The following CADPS variants were observed in gnomAD, a reference collection of about 807,000 sequenced individuals.
CADPS encodes the protein calcium dependent secretion activator.
A neutral mutation model predicts 167.3 loss-of-function variants in CADPS; 57 were observed. The ratio of observed to expected loss-of-function variants is 0.34; its 90% CI spans 0.28 to 0.42. CADPS has a LOEUF of 0.42. Among genes scored for constraint, CADPS ranks in the 20% least tolerant of loss-of-function variants. The probability of loss-of-function intolerance (pLI) is 1.00; values close to 1 mark genes in which losing one functional copy is unlikely to be tolerated. For synonymous variants in CADPS, 676 were observed against 635.3 expected (o/e 1.06, Z -0.96); for missense variants, 1,414 against 1,738.1 (o/e 0.81, Z 3.32).
chr3:62,855,154 AG>A lies in CADPS; in HGVS notation c.441+19434del, dbSNP rs1346123726. On this transcript the variant is annotated intron_variant, in intron 1 of 29. Transcript: ENST00000383710. The stretch of plus-strand genomic sequence containing the variant: ...GTTTCACCATTTCACCATGTTGCCC[AG>A]GCTGATCTGGAACTCCTGACCTCAG... 1.1e-4 allele frequency among the ~76,000 whole-genome samples: 15 copies of A among 139,904 alleles called. No homozygotes were observed. The East Asian group carries it at 3.1e-3, about 29-fold the overall frequency. The allele number at this position is 139,904 out of a possible 152,430, so 91.8% of individuals were successfully genotyped here.
At chr3:62,737,030 C>T (rs185988126) in intron 3 of CADPS, among the ~76,000 whole-genome samples, 99 of 152,034 alleles carry the variant, frequency 6.5e-4, no homozygotes, top group Non-Finnish European at 1.2e-3. Context: ...CCCAGCTACT[C>T]GGGAGGCTGA....
chr3:62,584,878 C>T (rs1489073551), intron 8 of CADPS, among the ~76,000 whole-genome samples: 3 of 152,118 alleles, frequency 2.0e-5, no homozygotes, highest in Admixed American at 6.5e-5. Flanking sequence ...CGACAAGGTA[C>T]GCGGAGCCTG....
intron 1 of CADPS, among the ~76,000 whole-genome samples, chr3:62,852,892 A>G (rs541125757): frequency 1.3e-5 from 2 of 152,288 alleles, no homozygotes; most frequent in Non-Finnish European, 2.9e-5. Flanking sequence ...ACATAAAATA[A>G]CTCAGATCAG....
In CADPS at chr3:62,472,084, T is replaced by G. The variant is rs150871705; in HGVS notation, c.3477+2089A>C. On this transcript the variant is annotated intron_variant, in intron 24 of 29. Transcript: ENST00000383710. ...TAAATCTTGAAAACACTGTGCTGAG[T>G]GAAAGAAGCCAGACACAAACGGCCA... Among the ~76,000 whole-genome samples the G allele has an allele frequency of 3.2e-3, 491 of 152,226 alleles. 3 individuals are homozygous for G. Among genetic ancestry groups the G allele is most frequent in the South Asian group, 0.011 (51 of 4,816 alleles).
intron 1 of CADPS, among the ~76,000 whole-genome samples, chr3:62,837,170 A>G (rs954242723): frequency 4.6e-5 from 7 of 152,316 alleles, no homozygotes; most frequent in South Asian, 4.2e-4. Flanking sequence ...TAATCCTTAC[A>G]CTAACTTTTG....
Position 62,862,227 on chromosome 3 carries a change from T to TC in CADPS, c.441+12361_441+12362insG, listed in dbSNP as rs575304677. On this transcript the variant is annotated intron_variant, in intron 1 of 29. Transcript: ENST00000383710. ...GCATTGAAAACAGTGGTTTTTTTTT[T>TC]TTTTTTTTTAGACAGAGTCTTGCTC... Among the ~76,000 whole-genome samples the TC allele has an allele frequency of 5.9e-3, 888 of 151,550 alleles. 2 individuals carry two copies. Among genetic ancestry groups the TC allele is most frequent in the Middle Eastern group, 0.017 (5 of 294 alleles).
chr3:62,783,732 C>A (rs1391318679), intron 1 of CADPS, among the ~76,000 whole-genome samples: 1 of 152,124 alleles, frequency 6.6e-6, no homozygotes, highest in Non-Finnish European at 1.5e-5. Context: ...AATTTTGTCT[C>A]CACACGCTCA....
intron 22 of CADPS, 52 bp downstream of exon 22, chr3:62,481,671 A>C: frequency 6.7e-7 from 1 of 1,499,620 alleles, no homozygotes; most frequent in Non-Finnish European, 9.0e-7. Flanking sequence ...ATACATATCC[A>C]TGCCAAGATC....
At chr3:62,724,003 A>G (rs968168406) in intron 3 of CADPS, among the ~76,000 whole-genome samples, 3 of 152,236 alleles carry the variant, frequency 2.0e-5, no homozygotes, top group Non-Finnish European at 4.4e-5. Flanking sequence ...TCTGTGTCCA[A>G]GGGAGCTGCA....
At chr3:62,573,940 T>G (rs1028758756) in intron 8 of CADPS, among the ~76,000 whole-genome samples, 6 of 152,244 alleles carry the variant, frequency 3.9e-5, no homozygotes, top group South Asian at 4.1e-4. Flanking sequence ...ACATTTGTTA[T>G]AGTTCAGTTG....
At chr3:62,735,170 T>A (rs116118868) in intron 3 of CADPS, among the ~76,000 whole-genome samples, 4 of 151,910 alleles carry the variant, frequency 2.6e-5, no homozygotes, top group Non-Finnish European at 5.9e-5. Context: ...CCCAGAAAAA[T>A]AGAGCTACAT....
rs2085098611 is a variant in CADPS at position 62,588,250 on chromosome 3, A to G, written c.1438-2926T>C. Among the ~76,000 whole-genome samples the G allele has an allele frequency of 1.3e-5, 2 of 150,018 alleles. 1 individual carries two copies. The highest frequency in any genetic ancestry group is 4.2e-4 in the South Asian group (2 of 4,724). ...AAAGAATCCCTGTCCCTGAGACTGT[A>G]TGACTGGATTCTGCCTTCTTGCTAG... On this transcript the variant is annotated intron_variant, in intron 7 of 29. Transcript: ENST00000383710.
At chr3:62,430,728 G>A (rs932023390) in intron 28 of CADPS, among the ~76,000 whole-genome samples, 7 of 151,730 alleles carry the variant, frequency 4.6e-5, no homozygotes, top group African/African-American at 1.7e-4. Context: ...ATAGATACCC[G>A]TTACGTAACA....
At chr3:62,427,649 C>T (rs1454151040) in intron 28 of CADPS, among the ~76,000 whole-genome samples, 1 of 152,008 alleles carries the variant, frequency 6.6e-6, no homozygotes, top group Non-Finnish European at 1.5e-5. Context: ...AAAATCACCC[C>T]CCGGTAGAAG....
At chr3:62,567,282 A>C (rs2080394325) in intron 9 of CADPS, among the ~76,000 whole-genome samples, 1 of 152,122 alleles carries the variant, frequency 6.6e-6, no homozygotes, top group Non-Finnish European at 1.5e-5. Flanking sequence ...CTCGGAGCAC[A>C]TGATCTCTCC....
chr3:62,665,797 A>ACTTAACCT, intron 3 of CADPS, among the ~76,000 whole-genome samples: 1 of 152,294 alleles, frequency 6.6e-6, no homozygotes, highest in Middle Eastern at 3.4e-3. Flanking sequence ...TGGGCAAGTT[A>ACTTAACCT]CTTAACCTCT....
chr3:62,414,372 G>A (rs181915386), intron 28 of CADPS, among the ~76,000 whole-genome samples: 1 of 152,304 alleles, frequency 6.6e-6, no homozygotes, highest in Admixed American at 6.5e-5. Flanking sequence ...TGGAATGTGT[G>A]TTCAGGAAGC....
chr3:62,855,129 G>T (rs1257609497), intron 1 of CADPS, among the ~76,000 whole-genome samples: 3 of 89,932 alleles, frequency 3.3e-5, no homozygotes, highest in Non-Finnish European at 7.5e-5. Flanking sequence ...TAGAGATGGG[G>T]TTTCACCATT....
At chr3:62,566,592 A>AG (rs1553926484) in intron 9 of CADPS, among the ~76,000 whole-genome samples, 3 of 72,236 alleles carry the variant, frequency 4.2e-5, no homozygotes, top group Non-Finnish European at 1.5e-4. Context: ...ATAGGGGAGA[A>AG]GAAAAAATGG....
Sources: gnomAD v4.1 joint callset for allele counts (sites outside exome capture counted in the v4.1 genomes callset) on GRCh38, gnomAD v4.1.1 for gene constraint, MANE v1.5 for transcripts, NCBI Gene and HGNC (gene_info 2026-07-23, HGNC 2026-07-21) for gene names.